Variants in KCNK13 observed in about 807,000 individuals in gnomAD.
KCNK13 encodes the protein potassium two pore domain channel subfamily K member 13.
In KCNK13, 12 loss-of-function variants were observed where a neutral mutation model predicts 23.4. The ratio of observed to expected loss-of-function variants is 0.51; its 90% CI spans 0.33 to 0.83. The LOEUF (loss-of-function observed/expected upper bound fraction) is 0.83, where lower values mean the gene tolerates loss of function less well. Among genes scored for constraint, KCNK13 ranks in the 40% least tolerant of loss-of-function variants. The pLI is 0.02. For synonymous variants in KCNK13, 231 were observed against 229.5 expected (o/e 1.01, Z -0.06); for missense variants, 463 against 556.3 (o/e 0.83, Z 1.69).
At chr14:90,141,794 T>TGGGGG (rs60262959) in intron 1 of KCNK13, among the ~76,000 whole-genome samples, 8 of 125,634 alleles carry the variant, frequency 6.4e-5, no homozygotes, top group East Asian at 2.9e-4. Context: ...TTTTGTTTTT[T>TGGGGG]GGGGGGGGGG....
At chr14:90,149,680 G>A (rs1890113493) in intron 1 of KCNK13, among the ~76,000 whole-genome samples, 1 of 152,144 alleles carries the variant, frequency 6.6e-6, no homozygotes, top group East Asian at 1.9e-4. Flanking sequence ...GCCTGTTGCT[G>A]TGGCTGGGGA....
intron 1 of KCNK13, among the ~76,000 whole-genome samples, chr14:90,162,592 AAT>A (rs1890263481): frequency 6.6e-6 from 1 of 152,250 alleles, no homozygotes; most frequent in Non-Finnish European, 1.5e-5. Context: ...TTCAATTTAA[AAT>A]AGTGATAAGA....
intron 1 of KCNK13, among the ~76,000 whole-genome samples, chr14:90,084,307 T>G (rs1889246870): frequency 6.6e-6 from 1 of 152,230 alleles, no homozygotes; most frequent in Non-Finnish European, 1.5e-5. Context: ...TTTTGATCCT[T>G]TAATTTATTT....
chr14:90,142,932 A>C (rs1384902608), intron 1 of KCNK13, among the ~76,000 whole-genome samples: 1 of 152,184 alleles, frequency 6.6e-6, no homozygotes, highest in Non-Finnish European at 1.5e-5. Flanking sequence ...AGGGGAGCAA[A>C]TTGTGGGAAG....
At chr14:90,097,525 C>G (rs1393319562) in intron 1 of KCNK13, among the ~76,000 whole-genome samples, 1 of 152,164 alleles carries the variant, frequency 6.6e-6, no homozygotes, top group South Asian at 2.1e-4. Flanking sequence ...CCTTCCACCA[C>G]CACCACATTG....
chr14:90,160,350 G>A (rs1484755139), intron 1 of KCNK13, among the ~76,000 whole-genome samples: 3 of 152,082 alleles, frequency 2.0e-5, no homozygotes, highest in Non-Finnish European at 4.4e-5. Flanking sequence ...AGAGAGAACC[G>A]AGTTTTCATG....
chr14:90,152,404 G>A (rs10145019), intron 1 of KCNK13, among the ~76,000 whole-genome samples: 4,537 of 152,106 alleles, frequency 0.03, 213 homozygotes, highest in African/African-American at 0.1. Context: ...GCGTAGTGGC[G>A]CACACCTGTA....
At chr14:90,104,767 G>A (rs117301998) in intron 1 of KCNK13, among the ~76,000 whole-genome samples, 3,783 of 150,522 alleles carry the variant, frequency 0.025, 81 homozygotes, top group Non-Finnish European at 0.042. Flanking sequence ...TTGAACTTGG[G>A]GATCAGCTAC....
chr14:90,098,343 G>A (rs1440437964), intron 1 of KCNK13, among the ~76,000 whole-genome samples: 2 of 152,204 alleles, frequency 1.3e-5, no homozygotes, highest in African/African-American at 4.8e-5. Flanking sequence ...GTGAAGTTAA[G>A]TTAAAGTTTT....
chr14:90,063,807 C>T (rs2140384726), intron 1 of KCNK13, among the ~76,000 whole-genome samples: 1 of 152,260 alleles, frequency 6.6e-6, no homozygotes, highest in South Asian at 2.1e-4. Context: ...GAAAGACTTC[C>T]CAGGGCTAGT....
At chr14:90,160,612 G>A (rs1890242134) in intron 1 of KCNK13, among the ~76,000 whole-genome samples, 1 of 152,078 alleles carries the variant, frequency 6.6e-6, no homozygotes, top group Admixed American at 6.6e-5. Context: ...AGAGGCCAAG[G>A]CGGGTGGATC....
chr14:90,107,491 T>TA (rs1406805687), intron 1 of KCNK13, among the ~76,000 whole-genome samples: 18 of 152,242 alleles, frequency 1.2e-4, no homozygotes, highest in Non-Finnish European at 1.8e-4. Context: ...AAAATATATA[T>TA]ATATACATGT....
chr14:90,125,021 T>C (rs1007164525), intron 1 of KCNK13, among the ~76,000 whole-genome samples: 2 of 152,180 alleles, frequency 1.3e-5, no homozygotes, highest in African/African-American at 4.8e-5. Flanking sequence ...TCCACGCTTT[T>C]TGATGGAAGT....
At chr14:90,133,817 C>G (rs945916136) in intron 1 of KCNK13, among the ~76,000 whole-genome samples, 2 of 152,080 alleles carry the variant, frequency 1.3e-5, no homozygotes, top group Non-Finnish European at 1.5e-5. Flanking sequence ...CTCCATGATC[C>G]CTCTCCTGGG....
At chr14:90,154,471 T>C (rs971383531) in intron 1 of KCNK13, among the ~76,000 whole-genome samples, 2 of 152,184 alleles carry the variant, frequency 1.3e-5, no homozygotes, top group African/African-American at 4.8e-5. Flanking sequence ...CCTGCTCTAC[T>C]ACCCACAATG....
intron 1 of KCNK13, among the ~76,000 whole-genome samples, chr14:90,182,345 C>T (rs1332306551): frequency 1.3e-5 from 2 of 152,182 alleles, no homozygotes; most frequent in Non-Finnish European, 2.9e-5. Flanking sequence ...CAAAAGCCCA[C>T]ACATTTCAAG....
At chr14:90,164,155 C>T (rs1385482724) in intron 1 of KCNK13, among the ~76,000 whole-genome samples, 2 of 152,176 alleles carry the variant, frequency 1.3e-5, no homozygotes, top group African/African-American at 2.4e-5. Flanking sequence ...AATGCCATTG[C>T]GTTACAATAT....
intron 1 of KCNK13, among the ~76,000 whole-genome samples, chr14:90,132,466 C>T (rs190382417): frequency 1.4e-5 from 2 of 148,082 alleles, no homozygotes; most frequent in African/African-American, 4.9e-5. Flanking sequence ...ATCACTTGAA[C>T]CTAGGAGGCA....
chr14:90,140,706 G>A (rs894300227), intron 1 of KCNK13, among the ~76,000 whole-genome samples: 3 of 152,162 alleles, frequency 2.0e-5, no homozygotes, highest in Non-Finnish European at 4.4e-5. Flanking sequence ...TGCGGGTTAA[G>A]GATTTGGATG....
Sources: allele counts gnomAD v4.1 joint callset (sites outside exome capture counted in the v4.1 genomes callset), GRCh38; gene constraint gnomAD v4.1.1; transcripts MANE v1.5; gene names NCBI Gene and HGNC (gene_info 2026-07-23, HGNC 2026-07-21).